FSIP1: variants seen among roughly 807,000 people sequenced by gnomAD.
FSIP1 encodes fibrous sheath-interacting protein 1.
Under a neutral mutation model 60.9 loss-of-function variants are expected in FSIP1, and 65 were observed. That is an observed-to-expected ratio of 1.07 (90% confidence interval 0.87 to 1.31). The LOEUF is 1.31. Among genes scored for constraint, FSIP1 ranks in the 40% most tolerant of loss-of-function variants. The pLI, the probability that FSIP1 is intolerant of heterozygous loss-of-function variation, is 0.00. For synonymous variants in FSIP1, 209 were observed against 221.2 expected (o/e 0.94, Z 0.49); for missense variants, 675 against 665.5 (o/e 1.01, Z -0.16).
rs187833552 is a variant in FSIP1 at position 39,603,714 on chromosome 15, C to T, written c.1700-2788G>A. Among the ~76,000 whole-genome samples the T allele has an allele frequency of 2.8e-3, 422 of 152,112 alleles. 1 individual carries two copies. The highest frequency in any genetic ancestry group is 3.5e-3 in the Non-Finnish European group (235 of 68,018). On this transcript the variant is annotated intron_variant, in intron 11 of 11. Transcript: ENST00000350221. ...GACAATGTGGATGCAGCAGTATCTT[C>T]GTTAAAAAGAAATTTAAGAAGAAAA...
At chr15:39,601,304 G>C (rs1890631121) in intron 11 of FSIP1, among the ~76,000 whole-genome samples, 1 of 152,130 alleles carries the variant, frequency 6.6e-6, no homozygotes, top group African/African-American at 2.4e-5. Flanking sequence ...TTCATTTCTT[G>C]AAGTGAGAAA....
At chr15:39,720,921 T>C (rs888276424) in intron 9 of FSIP1, among the ~76,000 whole-genome samples, 3 of 152,208 alleles carry the variant, frequency 2.0e-5, no homozygotes, top group African/African-American at 7.2e-5. Flanking sequence ...TGCAACCACA[T>C]ATTATTCACA....
intron 10 of FSIP1, among the ~76,000 whole-genome samples, chr15:39,689,387 T>C (rs1894508726): frequency 6.6e-6 from 1 of 152,154 alleles, no homozygotes; most frequent in Non-Finnish European, 1.5e-5. Flanking sequence ...CTCCAGACCC[T>C]CTCCCCTCCC....
At chr15:39,685,176 T>C (rs1894315445) in intron 10 of FSIP1, among the ~76,000 whole-genome samples, 1 of 152,228 alleles carries the variant, frequency 6.6e-6, no homozygotes, top group Admixed American at 6.5e-5. Flanking sequence ...AAGTTTTTAG[T>C]TAAAGTTTGT....
At chr15:39,739,898 GAACT>G (rs1170178557) in intron 6 of FSIP1, 109 bp from the exon 7 acceptor site, 2 of 611,456 alleles carry the variant, frequency 3.3e-6, no homozygotes, top group East Asian at 3.2e-5. Context: ...ACACACAGAA[GAACT>G]AACTTCTACA....
downstream of FSIP1, chr15:39,599,586 C>A (rs903513451): frequency 7.3e-6 from 1 of 136,172 alleles, no homozygotes; most frequent in Non-Finnish European, 1.6e-5. Context: ...ACATCAAATA[C>A]CAGAAAAGCA....
intron 10 of FSIP1, among the ~76,000 whole-genome samples, chr15:39,690,322 G>T (rs940763919): frequency 2.6e-5 from 4 of 152,188 alleles, no homozygotes; most frequent in African/African-American, 9.7e-5. Context: ...TGTGGAAATG[G>T]ACTGAGGAGA....
intron 1 of FSIP1, 26 bp downstream of exon 1, chr15:39,782,602 C>T (rs1448563603): frequency 2.0e-5 from 3 of 152,692 alleles, no homozygotes; most frequent in Non-Finnish European, 4.4e-5. Flanking sequence ...CGACCGAGCT[C>T]CGCCCTCATC....
At chr15:39,645,440 C>T (rs1595567064) in intron 10 of FSIP1, among the ~76,000 whole-genome samples, 1 of 152,044 alleles carries the variant, frequency 6.6e-6, no homozygotes, top group Non-Finnish European at 1.5e-5. Flanking sequence ...GCAGGAGCCT[C>T]GCCCTCCTGG....
chr15:39,757,440 T>C (rs1010618565), intron 5 of FSIP1, among the ~76,000 whole-genome samples: 3 of 152,134 alleles, frequency 2.0e-5, no homozygotes, highest in Non-Finnish European at 4.4e-5. Context: ...AGTGAAAATA[T>C]TCTGCTAATA....
At chr15:39,655,001 A>G (rs34664800) in intron 10 of FSIP1, among the ~76,000 whole-genome samples, 2,267 of 152,342 alleles carry the variant, frequency 0.015, 26 homozygotes, top group Admixed American at 0.024. Flanking sequence ...CAAAATATTT[A>G]TAATTATGTG....
At chr15:39,694,045 T>C (rs1008190899) in intron 10 of FSIP1, among the ~76,000 whole-genome samples, 12 of 152,192 alleles carry the variant, frequency 7.9e-5, no homozygotes, top group Admixed American at 5.9e-4. Flanking sequence ...CTGTACCCTA[T>C]AAATATATTC....
At position 39,617,987 on chromosome 15, in the gene FSIP1, A is replaced by G. The variant is rs1164146627; in HGVS notation, c.1447T>C (p.Tyr483His). ...TGTCCAGTCAAGGCTTTAGTGAGAT[A>G]GTAGCCTTTAGAAGCTTCACATTCT... ...SEECEASKGYYLTKALTGHNM... is the reference protein window; with the variant it reads ...SEECEASKGYHLTKALTGHNM... Residue 483 changes from tyrosine (Y) to histidine (H), a missense_variant, in exon 11 of 12, where the codon TAT (tyrosine) becomes CAT (histidine). By Grantham distance (83) the Tyr-to-His change is moderately conservative (BLOSUM62 2). Transcript: ENST00000350221. 2 of 1,614,224 alleles carry G rather than the reference A, an allele frequency of 1.2e-6. No homozygotes were observed. The highest frequency in any genetic ancestry group is 2.2e-5 in the East Asian group (1 of 44,878).
At chr15:39,738,256 G>C (rs1896684855) in intron 7 of FSIP1, 55 bp from the exon 8 acceptor site, 3 of 989,046 alleles carry the variant, frequency 3.0e-6, no homozygotes, top group Admixed American at 2.4e-5. Context: ...CACAGTTCAG[G>C]AAAAAAAAAA....
In FSIP1 at chr15:39,726,755, G is replaced by A. The variant is rs763179872; in HGVS notation, c.892-8C>T. 1.2e-6 allele frequency: 2 copies of A among 1,611,372 alleles called. No homozygotes were observed. Among genetic ancestry groups the A allele is most frequent in the African/African-American group, 1.3e-5 (1 of 74,722 alleles). ...CCAGCCAGACTGATCACCCTAAGAG[G>A]AAACAAGGGTCACCAGGTCATTCTC... On this transcript the variant is annotated splice_region_variant and splice_polypyrimidine_tract_variant and intron_variant, in intron 8 of 11. Coordinates refer to ENST00000350221, the MANE Select transcript of FSIP1 (RefSeq NM_152597.5).
At chr15:39,631,165 GT>G (rs1891868585) in intron 10 of FSIP1, among the ~76,000 whole-genome samples, 1 of 152,106 alleles carries the variant, frequency 6.6e-6, no homozygotes, top group South Asian at 2.1e-4. Flanking sequence ...CTTTCTTTGG[GT>G]GCTCCTCCAC....
chr15:39,667,252 GT>G (rs1035253297), intron 10 of FSIP1, among the ~76,000 whole-genome samples: 8 of 147,280 alleles, frequency 5.4e-5, no homozygotes, highest in African/African-American at 2.2e-4. Flanking sequence ...AGTACCATGA[GT>G]TTTTTTTAAC....
chr15:39,716,660 C>T (rs775592785), intron 9 of FSIP1, among the ~76,000 whole-genome samples: 4 of 151,930 alleles, frequency 2.6e-5, no homozygotes, highest in African/African-American at 7.3e-5. Flanking sequence ...GCAATTAAAC[C>T]ACAATGAGAC....
intron 10 of FSIP1, among the ~76,000 whole-genome samples, chr15:39,661,605 T>C (rs1595585569): frequency 6.6e-6 from 1 of 152,194 alleles, no homozygotes; most frequent in East Asian, 1.9e-4. Context: ...CGAGTGGAAA[T>C]TCATTTTGCC....
Sources: gnomAD v4.1 joint callset for allele counts (sites outside exome capture counted in the v4.1 genomes callset) on GRCh38, gnomAD v4.1.1 for gene constraint, MANE v1.5 for transcripts, NCBI Gene and HGNC (gene_info 2026-07-23, HGNC 2026-07-21) for gene names.